Variants in CD209 observed in about 807,000 individuals in gnomAD.
CD209 encodes the protein CD209 molecule, also known as CD209 antigen.
In CD209, 31 loss-of-function variants were observed where a neutral mutation model predicts 44.7. The ratio of observed to expected loss-of-function variants is 0.69; its 90% CI spans 0.52 to 0.94. The LOEUF is 0.94. Among genes scored for constraint, CD209 ranks in the 40% least tolerant of loss-of-function variants. The pLI is 0.00. For missense variants in CD209, 407 were observed against 452.4 expected (o/e 0.90, Z 0.91); for synonymous variants, 173 against 181.3 (o/e 0.95, Z 0.37).
Position 7,742,871 on chromosome 19 carries a change from C to G in CD209, c.*168G>C. ...CACTCATAAAGCTCCAAGGATGGGCCAGAAAAACAAGCTCTACACCAGGGG... is the reference window on the plus strand; with the variant it reads ...CACTCATAAAGCTCCAAGGATGGGCGAGAAAAACAAGCTCTACACCAGGGG... On this transcript the variant is annotated 3_prime_UTR_variant, in exon 7 of 7. Coordinates refer to ENST00000315599, the MANE Select transcript of CD209 (RefSeq NM_021155.4). 1.6e-6 allele frequency: 1 copy of G among 627,504 alleles called. No individual in the cohort carries two copies. The highest frequency in any genetic ancestry group is 2.9e-5 in the Admixed American group (1 of 34,330). 38.9% of individuals were successfully genotyped at this position (627,504 alleles called of 1,614,324 possible).
At chr19:7,743,269 C>A in intron 6 of CD209, 29 bp from the exon 7 acceptor site, 1 of 1,584,958 alleles carries the variant, frequency 6.3e-7, no homozygotes, top group South Asian at 1.1e-5. Context: ...ATGTGAGCCT[C>A]TGTCCCCGCC....
Position 7,742,560 on chromosome 19 carries a change from C to T in CD209, c.*479G>A, listed in dbSNP as rs148098554. On this transcript the variant is annotated 3_prime_UTR_variant, in exon 7 of 7. Coordinates refer to ENST00000315599, the MANE Select transcript of CD209 (RefSeq NM_021155.4). ...GAAGATGTGGGGGTGGAAGGGGTTG[C>T]GTGGAGCCTCCATGCCCTCTCTGGG... is the stretch of plus-strand genomic sequence containing the variant. The T allele has an allele frequency of 3.6e-4, 59 of 164,928 alleles. No homozygotes were observed. The highest frequency in any genetic ancestry group is 5.9e-4 in the Non-Finnish European group (44 of 74,872). The allele number at this position is 164,928 out of a possible 1,614,324, so 10.2% of individuals were successfully genotyped here. A position where few individuals can be genotyped will look rare whatever the true frequency, so the allele number is the denominator to read the frequency against.
At chr19:7,745,380 G>C in intron 4 of CD209, 138 bp downstream of exon 4, 2 of 1,509,380 alleles carry the variant, frequency 1.3e-6, no homozygotes, top group East Asian at 2.3e-5. Flanking sequence ...TGTGAACACT[G>C]AGGGCAATGA....
rs1417635154 is a variant in CD209, at chr19:7,740,072, G to T, written c.*2967C>A. 6.4e-6 allele frequency: 1 copy of T among 155,614 alleles called. No homozygotes were observed. The highest frequency in any genetic ancestry group is 2.4e-5 in the African/African-American group (1 of 41,458). The allele number at this position is 155,614 out of a possible 1,614,324, so 9.6% of individuals were successfully genotyped here. ...GGCCCAAATCTGTCTCTCCAAGTTG[G>T]AGGCTGGGGCAGATTTTATATACAG... is the stretch of plus-strand genomic sequence containing the variant. On this transcript the variant is annotated 3_prime_UTR_variant, in exon 7 of 7. Coordinates refer to ENST00000315599, the MANE Select transcript of CD209 (RefSeq NM_021155.4).
rs2033724723 is a variant in CD209, at chr19:7,744,267, C to T, written c.901-48G>A. The T allele has an allele frequency of 2.2e-6, 3 of 1,364,448 alleles. No homozygotes were observed. The South Asian group carries it at 3.5e-5, about 16-fold the overall frequency. The allele number at this position is 1,364,448 out of a possible 1,614,324, so 84.5% of individuals were successfully genotyped here. A position where few individuals can be genotyped will look rare whatever the true frequency, so the allele number is the denominator to read the frequency against. On this transcript the variant is annotated intron_variant, in intron 5 of 6. Transcript: ENST00000315599. ...GGAGGGAGCTCTGCTTCCCATTTTC[C>T]AGGCTCTGTCTCCCCATCTCTTGGT...
In CD209 at chr19:7,746,572, C is replaced by A. The variant is rs200709349; in HGVS notation, c.107-41G>T. The A allele has an allele frequency of 1.9e-4, 310 of 1,595,070 alleles. 1 individual carries two copies. The highest frequency in any genetic ancestry group is 2.5e-4 in the Non-Finnish European group (293 of 1,163,058). ...TGCGTCAGCCTGCCAGTGTCCCCAC[C>A]GGAGCCTGGCCCAGGGAGAGCCTGG... On this transcript the variant is annotated intron_variant, in intron 2 of 6. Coordinates refer to ENST00000315599, the MANE Select transcript of CD209 (RefSeq NM_021155.4).
chr19:7,745,217 C>A, intron 4 of CD209, 125 bp from the exon 5 acceptor site: 1 of 1,310,250 alleles, frequency 7.6e-7, no homozygotes, highest in Non-Finnish European at 1.0e-6. Context: ...TAGACCATTC[C>A]CCTCCCCACT....
Position 7,741,270 on chromosome 19 carries a change from GACCATCCTGGTC to G in CD209, c.*1757_*1768del. The G allele has an allele frequency of 2.2e-6, 1 of 447,244 alleles. No individual in the cohort carries two copies. Among genetic ancestry groups the G allele is most frequent in the Admixed American group, 3.7e-5 (1 of 26,832 alleles). The allele number at this position is 447,244 out of a possible 1,614,324, so 27.7% of individuals were successfully genotyped here. ...GCGAATCACGAGGTCAAGAGATCGA[GACCATCCTGGTC>G]AACATGTTGAAACCCCGTCTCTACC... On this transcript the variant is annotated 3_prime_UTR_variant, in exon 7 of 7. Coordinates refer to ENST00000315599, the MANE Select transcript of CD209 (RefSeq NM_021155.4).
At position 7,742,364 on chromosome 19, in the gene CD209, G is replaced by A. The variant is rs11465397; in HGVS notation, c.*675C>T. ...TCCAGCTACTCGTGAGGCTGAGGCA[G>A]GAGAATCACTTGAACCCGGGAGGCA... On this transcript the variant is annotated 3_prime_UTR_variant, in exon 7 of 7. Transcript: ENST00000315599. 19,710 of 152,486 alleles carry A rather than the reference G, an allele frequency of 0.13. 1,557 individuals carry two copies. Among genetic ancestry groups the A allele is most frequent in the African/African-American group, 0.21 (8,907 of 41,440 alleles). The allele number at this position is 152,486 out of a possible 1,614,324, so 9.4% of individuals were successfully genotyped here. A position where few individuals can be genotyped will look rare whatever the true frequency, so the allele number is the denominator to read the frequency against.
chr19:7,743,296 T>C (rs2033677811), intron 6 of CD209, 56 bp from the exon 7 acceptor site: 2 of 1,471,408 alleles, frequency 1.4e-6, no homozygotes, highest in African/African-American at 2.8e-5. Flanking sequence ...ATGAGCTGTG[T>C]TTCTACCTTC....
intron 2 of CD209, among the ~76,000 whole-genome samples, chr19:7,746,812 A>C (rs1161354476): frequency 1.6e-4 from 23 of 146,154 alleles, no homozygotes; most frequent in Non-Finnish European, 2.6e-4. Flanking sequence ...AGGTCCCTGG[A>C]ACCCAGGCCC....
rs2033564632 is a variant in CD209, at chr19:7,740,156, C to G, written c.*2883G>C. The G allele has an allele frequency of 1.4e-5, 3 of 215,930 alleles. No individual in the cohort carries two copies. In the East Asian group the frequency reaches 3.7e-4, roughly 26 times the overall value. The allele number at this position is 215,930 out of a possible 1,614,324, so 13.4% of individuals were successfully genotyped here. On this transcript the variant is annotated 3_prime_UTR_variant, in exon 7 of 7. Coordinates refer to ENST00000315599, the MANE Select transcript of CD209 (RefSeq NM_021155.4). ...AATGAGGGGATTCAGGAGGCTTGAT[C>G]TGACTGGATCACGCCAGGGCTCAAT... is the stretch of plus-strand genomic sequence containing the variant.
chr19:7,745,237 C>T (rs894198104), intron 4 of CD209, 145 bp from the exon 5 acceptor site: 1 of 1,203,220 alleles, frequency 8.3e-7, no homozygotes, highest in Non-Finnish European at 1.1e-6. Flanking sequence ...TTCCCGAGAC[C>T]CTCCCCCATC....
chr19:7,743,122 T>A lies in CD209; in HGVS notation c.1132A>T (p.Lys378Ter). 6.2e-7 allele frequency: 1 copy of A among 1,614,220 alleles called. No homozygotes were observed. Among genetic ancestry groups the A allele is most frequent in the Non-Finnish European group, 8.5e-7 (1 of 1,180,030 alleles). Reference protein sequence around the residue: ...KCNLAKFWICKKSAASCSRDE... With the variant: ...KCNLAKFWIC ...CTGGAGCAGGAGGCTGCGGACTTTT[T>A]GCAGATCCAGAATTTGGCAAGATTA... is the stretch of plus-strand genomic sequence containing the variant. Residue 378 changes from lysine (K) to a stop codon, truncating the protein, a stop_gained, in exon 7 of 7, where the codon AAA becomes TAA. Transcript: ENST00000315599. LOFTEE classifies it low-confidence loss of function (END_TRUNC).
chr19:7,747,169 C>T (rs2033866526), intron 2 of CD209, 137 bp downstream of exon 2: 2 of 869,034 alleles, frequency 2.3e-6, no homozygotes, highest in Non-Finnish European at 3.7e-6. Flanking sequence ...AACTCAACCT[C>T]CTCAGGTCCC....
chr19:7,743,887 T>A (rs544825671), intron 6 of CD209, among the ~76,000 whole-genome samples: 4,843 of 152,148 alleles, frequency 0.032, 239 homozygotes, highest in African/African-American at 0.11. Flanking sequence ...TTAATACACC[T>A]CCCCGGTGGC....
At chr19:7,746,716 C>A (rs1309977991) in intron 2 of CD209, among the ~76,000 whole-genome samples, 185 bp from the exon 3 acceptor site, 1 of 151,546 alleles carries the variant, frequency 6.6e-6, no homozygotes, top group Non-Finnish European at 1.5e-5. Context: ...CCGTCCCCAG[C>A]CTCCCCTTCC....
At position 7,740,913 on chromosome 19, in the gene CD209, C is replaced by G. The variant is rs1009691648; in HGVS notation, c.*2126G>C. The G allele has an allele frequency of 1.9e-5, 14 of 730,812 alleles. No homozygotes were observed. Among genetic ancestry groups the G allele is most frequent in the Non-Finnish European group, 2.8e-5 (11 of 398,646 alleles). 45.3% of individuals were successfully genotyped at this position (730,812 alleles called of 1,614,324 possible). A position where few individuals can be genotyped will look rare whatever the true frequency, so the allele number is the denominator to read the frequency against. ...CGCCACATGGCAAAACCCGGAACCC[C>G]CCCTTGGATTTCAGAGTCATGGAGA... On this transcript the variant is annotated 3_prime_UTR_variant, in exon 7 of 7. Coordinates refer to ENST00000315599, the MANE Select transcript of CD209 (RefSeq NM_021155.4).
At position 7,740,245 on chromosome 19, in the gene CD209, C is replaced by G. The variant is rs1422313175; in HGVS notation, c.*2794G>C. 5 of 403,642 alleles carry G rather than the reference C, an allele frequency of 1.2e-5. No individual in the cohort carries two copies. The highest frequency in any genetic ancestry group is 2.3e-5 in the Non-Finnish European group (5 of 220,024). 25.0% of individuals were successfully genotyped at this position (403,642 alleles called of 1,614,324 possible). ...CTTAACTCAGTCCCTGTTCCTCGGT[C>G]TGAGCACTTAGGTTCCACGTGGATT... On this transcript the variant is annotated 3_prime_UTR_variant, in exon 7 of 7. Transcript: ENST00000315599.
Sources: allele counts gnomAD v4.1 joint callset (sites outside exome capture counted in the v4.1 genomes callset), GRCh38; gene constraint gnomAD v4.1.1; transcripts MANE v1.5; gene names NCBI Gene and HGNC (gene_info 2026-07-23, HGNC 2026-07-21).